The following AKT3 variants were observed in gnomAD, a reference collection of about 807,000 sequenced individuals.
AKT3 encodes AKT serine/threonine kinase 3.
A neutral mutation model predicts 65.3 loss-of-function variants in AKT3; 15 were observed. That is an observed-to-expected ratio of 0.23 (90% CI 0.15 to 0.35). The LOEUF (loss-of-function observed/expected upper bound fraction) is 0.35. Among genes scored for constraint, AKT3 ranks in the 10% least tolerant of loss-of-function variants. The pLI, the probability that AKT3 is intolerant of heterozygous loss-of-function variation, is 1.00. For synonymous variants in AKT3, 206 were observed against 183.8 expected, an observed-to-expected ratio of 1.12 and a Z score of -0.98; for missense variants, 243 against 576.5, an observed-to-expected ratio of 0.42 and a Z score of 5.92.
At chr1:243,762,409 T>A (rs1325711062) in intron 2 of AKT3, among the ~76,000 whole-genome samples, 1 of 152,114 alleles carries the variant, frequency 6.6e-6, no homozygotes, top group Non-Finnish European at 1.5e-5. Context: ...GTCAAAATTA[T>A]CTTTTTTATC....
chr1:243,520,376 T>TG (rs1670647236), intron 12 of AKT3, among the ~76,000 whole-genome samples: 1 of 152,140 alleles, frequency 6.6e-6, no homozygotes, highest in South Asian at 2.1e-4. Flanking sequence ...TATGAGAAAA[T>TG]GAATTTCTGT....
At chr1:243,620,019 G>A (rs1201599045) in intron 6 of AKT3, among the ~76,000 whole-genome samples, 2 of 97,892 alleles carry the variant, frequency 2.0e-5, no homozygotes, top group African/African-American at 5.3e-5. Context: ...ATGATGATAT[G>A]GTTAGGTATC....
chr1:243,621,397 T>C (rs1415385247), intron 6 of AKT3, among the ~76,000 whole-genome samples: 1 of 152,192 alleles, frequency 6.6e-6, no homozygotes, highest in Non-Finnish European at 1.5e-5. Flanking sequence ...CTTCCTCCTC[T>C]TCAGTGGTTG....
At chr1:243,527,207 T>C (rs2148402521) in intron 12 of AKT3, among the ~76,000 whole-genome samples, 1 of 152,318 alleles carries the variant, frequency 6.6e-6, no homozygotes, top group African/African-American at 2.4e-5. Context: ...TCTCTGTGCC[T>C]TGCACATGAT....
rs537390868 is a variant in AKT3, at chr1:243,665,779, C to T, written c.173-896G>A. ...CAAACATTAACTATTATTTGGCATA[C>T]ATCTGAGCTGGGCTTTAAAGGATAA... On this transcript the variant is annotated intron_variant, in intron 3 of 13. Coordinates refer to ENST00000673466, the MANE Select transcript of AKT3 (RefSeq NM_005465.7). Among the ~76,000 whole-genome samples, 39 of 152,244 alleles carry T rather than the reference C, an allele frequency of 2.6e-4. No homozygotes were observed. The East Asian group carries it at 6.2e-3, about 24-fold the overall frequency.
chr1:243,711,353 A>G (rs1483335422), intron 2 of AKT3, among the ~76,000 whole-genome samples: 4 of 152,080 alleles, frequency 2.6e-5, no homozygotes, highest in Non-Finnish European at 5.9e-5. Context: ...AAAGAACAAA[A>G]TTTGAAATCA....
rs1669586843 is a variant in AKT3, at chr1:243,505,184, G to A, written c.*65C>T. ...GCTATGTGTAAGAGCTAGGACTGGT[G>A]ATGTCCAGGAATCATTTTCAGTAAT... On this transcript the variant is annotated 3_prime_UTR_variant, in exon 14 of 14. Transcript: ENST00000673466. 1.4e-6 allele frequency: 2 copies of A among 1,463,150 alleles called. No individual in the cohort carries two copies. Among genetic ancestry groups the A allele is most frequent in the Admixed American group, 3.4e-5 (2 of 58,394 alleles). The allele number at this position is 1,463,150 out of a possible 1,614,324, so 90.6% of individuals were successfully genotyped here.
intron 2 of AKT3, among the ~76,000 whole-genome samples, chr1:243,750,429 ACACAC>A (rs781264129): frequency 1.5e-5 from 2 of 129,234 alleles, no homozygotes; most frequent in Non-Finnish European, 3.6e-5. Context: ...ACACACACAC[ACACAC>A]GCACGCACGC....
intron 11 of AKT3, among the ~76,000 whole-genome samples, chr1:243,549,500 G>C (rs1226932774): frequency 1.3e-5 from 2 of 151,988 alleles, no homozygotes; most frequent in African/African-American, 4.8e-5. Context: ...GTCACCTTGG[G>C]TCACTGCAGT....
At chr1:243,787,389 T>C (rs1328822163) in intron 2 of AKT3, among the ~76,000 whole-genome samples, 2 of 152,178 alleles carry the variant, frequency 1.3e-5, no homozygotes, top group African/African-American at 4.8e-5. Context: ...TATTTCCTTT[T>C]CCCAAAAGCT....
intron 2 of AKT3, among the ~76,000 whole-genome samples, chr1:243,743,263 T>A (rs1021956374): frequency 1.3e-5 from 2 of 152,298 alleles, no homozygotes; most frequent in East Asian, 1.9e-4. Context: ...CCCTCTACAA[T>A]GCCTAATAAT....
chr1:243,735,193 C>T (rs190487435), intron 2 of AKT3: 5 of 152,266 alleles, frequency 3.3e-5, no homozygotes, highest in Admixed American at 6.5e-5. Context: ...ACCAGTAACA[C>T]GGTCATTTAT....
Position 243,656,825 on chromosome 1 carries a change from G to A in AKT3, c.284+7947C>T, listed in dbSNP as rs550128723. 2.6e-5 allele frequency among the ~76,000 whole-genome samples: 4 copies of A among 152,262 alleles called. No individual in the cohort carries two copies. The East Asian group carries it at 7.7e-4, about 29-fold the overall frequency. ...GACAGTGAAAGTAGTTAGCTGTTAAGAAAGAAAAATGACCTTTGTCTATAT... is the reference window on the plus strand; with the variant it reads ...GACAGTGAAAGTAGTTAGCTGTTAAAAAAGAAAAATGACCTTTGTCTATAT... On this transcript the variant is annotated intron_variant, in intron 4 of 13. Transcript: ENST00000673466.
chr1:243,576,098 T>A (rs992189986), intron 8 of AKT3, among the ~76,000 whole-genome samples: 2 of 152,160 alleles, frequency 1.3e-5, no homozygotes, highest in African/African-American at 2.4e-5. Context: ...AATCAATGAA[T>A]GTAATTCATA....
intron 8 of AKT3, among the ~76,000 whole-genome samples, chr1:243,608,062 T>G (rs1458980874): frequency 2.0e-5 from 3 of 152,200 alleles, no homozygotes; most frequent in Non-Finnish European, 2.9e-5. Context: ...GCAGTTCTTT[T>G]CAGCAGTGTG....
intron 2 of AKT3, among the ~76,000 whole-genome samples, chr1:243,835,939 T>G (rs955412415): frequency 6.6e-6 from 1 of 151,788 alleles, no homozygotes; most frequent in African/African-American, 2.4e-5. Flanking sequence ...ATAGGAGAGA[T>G]AAAATAGGAT....
intron 8 of AKT3, among the ~76,000 whole-genome samples, chr1:243,603,905 T>TC (rs1677201734): frequency 6.6e-6 from 1 of 151,280 alleles, no homozygotes; most frequent in African/African-American, 2.4e-5. Flanking sequence ...TTTTTTTTTT[T>TC]TTTTTTTGAG....
intron 3 of AKT3, among the ~76,000 whole-genome samples, chr1:243,665,339 T>A (rs1276416787): frequency 3.3e-5 from 5 of 152,182 alleles, no homozygotes; most frequent in Non-Finnish European, 5.9e-5. Flanking sequence ...TATTACCATA[T>A]CCCTCATGTG....
intron 4 of AKT3, among the ~76,000 whole-genome samples, chr1:243,652,949 A>C (rs1681487079): frequency 6.6e-6 from 1 of 152,024 alleles, no homozygotes; most frequent in South Asian, 2.1e-4. Context: ...GAGCACCCAG[A>C]TTCATAAAGC....
Sources: gnomAD v4.1 joint callset for allele counts (sites outside exome capture counted in the v4.1 genomes callset) on GRCh38, gnomAD v4.1.1 for gene constraint, MANE v1.5 for transcripts, NCBI Gene and HGNC (gene_info 2026-07-23, HGNC 2026-07-21) for gene names.